The following SDK2 variants were observed in gnomAD, a reference collection of about 807,000 sequenced individuals.
SDK2 encodes sidekick cell adhesion molecule 2.
SDK2 carries 105 observed loss-of-function variants against 253.9 expected under a neutral mutation model. That is an observed-to-expected ratio of 0.41 (90% CI 0.35 to 0.49). SDK2 has a LOEUF of 0.49. SDK2 is among the 20% of genes least tolerant of loss of function. SDK2 has a pLI of 0.06. For synonymous variants in SDK2, 1,249 were observed against 1,234.9 expected, an observed-to-expected ratio of 1.01 and a Z score of -0.24; for missense variants, 2,608 against 3,003.0, an observed-to-expected ratio of 0.87 and a Z score of 3.07.
chr17:73,441,047 C>G (rs2063411754), intron 5 of SDK2, 124 bp from the exon 6 acceptor site: 6 of 695,446 alleles, frequency 8.6e-6, no homozygotes, highest in Non-Finnish European at 1.5e-5. Flanking sequence ...GCCATGGGGG[C>G]AGCCCCAGAG....
At chr17:73,636,174 G>A (rs1361638063) in intron 1 of SDK2, among the ~76,000 whole-genome samples, 1 of 152,112 alleles carries the variant, frequency 6.6e-6, no homozygotes, top group African/African-American at 2.4e-5. Context: ...GACCAGAGAG[G>A]CCTGGGTTCA....
rs1320102974 is a variant in SDK2, at chr17:73,629,856, TG to T, written c.64+14168del. On this transcript the variant is annotated intron_variant, in intron 1 of 44. Transcript: ENST00000392650. The surrounding 1 kb of genome is among the most constrained non-coding windows in gnomAD (Gnocchi z 5.0). Reference sequence around the variant, plus strand: ...ATCCATTGGCTCATGGGGGTTACTTTGGAGCTTCTAGAAAAGCTCCTTCTCC... The same window carrying T: ...ATCCATTGGCTCATGGGGGTTACTTTGAGCTTCTAGAAAAGCTCCTTCTCC... 6.6e-6 allele frequency among the ~76,000 whole-genome samples: 1 copy of T among 152,186 alleles called. No homozygotes were observed. Among genetic ancestry groups the T allele is most frequent in the East Asian group, 1.9e-4 (1 of 5,192 alleles).
chr17:73,638,429 C>A (rs1021482594), intron 1 of SDK2, among the ~76,000 whole-genome samples: 1 of 152,036 alleles, frequency 6.6e-6, no homozygotes, highest in African/African-American at 2.4e-5. Flanking sequence ...GAAGATGCCA[C>A]GTTATAGGGT....
intron 29 of SDK2, 25 bp downstream of exon 29, chr17:73,390,262 T>G: frequency 2.6e-6 from 4 of 1,529,860 alleles, no homozygotes; most frequent in Non-Finnish European, 3.5e-6. Context: ...CCCCCAAGCC[T>G]TCCCTGGCCC....
intron 1 of SDK2, among the ~76,000 whole-genome samples, chr17:73,550,292 G>A (rs1330608177): frequency 6.6e-6 from 1 of 152,148 alleles, no homozygotes; most frequent in Non-Finnish European, 1.5e-5. Context: ...CTGCTCTAGG[G>A]TTAACGGTTC....
chr17:73,398,161 G>A lies in SDK2; in HGVS notation c.3228C>T (p.Ile1076=), dbSNP rs773525846. The A allele has an allele frequency of 1.2e-5, 20 of 1,613,378 alleles. No homozygotes were observed. The Admixed American group carries it at 3.2e-4, about 26-fold the overall frequency. ...GCTGACTGGGGGGGCTGGTGCCCAC[G>A]ATGTTCACCTGGCGCATGCGGAAGC... The part of the protein sequence containing the change: ...CYSFRMRQVN[I]VGTSPPSQPS... The change falls in exon 24 of 45, where the codon ATC becomes ATT. Residue 1076 remains isoleucine, a synonymous_variant. Coordinates refer to ENST00000392650, the MANE Select transcript of SDK2 (RefSeq NM_001144952.2).
At position 73,639,192 on chromosome 17, in the gene SDK2, G is replaced by T. The variant is rs2046367327; in HGVS notation, c.64+4833C>A. Among the ~76,000 whole-genome samples the T allele has an allele frequency of 6.6e-6, 1 of 152,214 alleles. No homozygotes were observed. Among genetic ancestry groups the T allele is most frequent in the Admixed American group, 6.5e-5 (1 of 15,286 alleles). ...TCAGCATCGCCCAGTGATGGAGGCA[G>T]GATTCAAAGGGGCAGAAGCCACGCT... is the stretch of plus-strand genomic sequence containing the variant. On this transcript the variant is annotated intron_variant, in intron 1 of 44. Coordinates refer to ENST00000392650, the MANE Select transcript of SDK2 (RefSeq NM_001144952.2). The surrounding 1 kb of genome is among the most constrained non-coding windows in gnomAD (Gnocchi z 4.3).
At chr17:73,461,502 AGG>A (rs1212449841) in intron 3 of SDK2, among the ~76,000 whole-genome samples, 8 of 152,210 alleles carry the variant, frequency 5.3e-5, no homozygotes, top group African/African-American at 1.9e-4. Flanking sequence ...GGTATTCCCT[AGG>A]GGTGTATATG....
chr17:73,468,986 G>A (rs2063624154), intron 3 of SDK2, among the ~76,000 whole-genome samples: 1 of 149,470 alleles, frequency 6.7e-6, no homozygotes, highest in African/African-American at 2.5e-5. Flanking sequence ...CACCATGCCC[G>A]GCTAATTTTT....
intron 1 of SDK2, among the ~76,000 whole-genome samples, chr17:73,625,090 C>T (rs368822023): frequency 5.8e-4 from 88 of 152,272 alleles, no homozygotes; most frequent in African/African-American, 2.0e-3. Context: ...GCAGCAGGGC[C>T]AGGATTCCAG....
intron 1 of SDK2, among the ~76,000 whole-genome samples, chr17:73,598,699 G>A (rs1022768098): frequency 3.9e-5 from 6 of 152,138 alleles, no homozygotes; most frequent in Non-Finnish European, 5.9e-5. Flanking sequence ...TAGTCCCACC[G>A]GGAGCAGCCC....
chr17:73,590,681 C>T (rs749721991), intron 1 of SDK2, among the ~76,000 whole-genome samples: 15 of 152,162 alleles, frequency 9.9e-5, no homozygotes, highest in African/African-American at 9.7e-5. Flanking sequence ...GAGAAACATC[C>T]GAGCCCTGGG....
intron 1 of SDK2, among the ~76,000 whole-genome samples, chr17:73,580,885 C>T (rs374334746): frequency 1.2e-4 from 18 of 152,238 alleles, no homozygotes; most frequent in Admixed American, 5.2e-4. Context: ...TCAAAGGAAA[C>T]GCTCATTGGA....
rs970108490 is a variant in SDK2 at position 73,335,077 on chromosome 17, G to C, written c.*3510C>G. The C allele has an allele frequency of 3.3e-5, 5 of 152,418 alleles. No individual in the cohort carries two copies. Among genetic ancestry groups the C allele is most frequent in the Admixed American group, 2.0e-4 (3 of 15,272 alleles). The allele number at this position is 152,418 out of a possible 1,614,324, so 9.4% of individuals were successfully genotyped here. On this transcript the variant is annotated 3_prime_UTR_variant, in exon 45 of 45. Transcript: ENST00000392650. ...CTAAATCACGGCAGTGCCAGGTTTG[G>C]GGGTAGGAGTTTTGGGGGCCGGGGG...
In SDK2 at chr17:73,423,380, G is replaced by C. The variant is rs2063249901; in HGVS notation, c.1897+6C>G. 6.9e-7 allele frequency: 1 copy of C among 1,451,062 alleles called. No individual in the cohort carries two copies. The highest frequency in any genetic ancestry group is 9.2e-7 in the Non-Finnish European group (1 of 1,089,572). The allele number at this position is 1,451,062 out of a possible 1,614,324, so 89.9% of individuals were successfully genotyped here. On this transcript the variant is annotated splice_donor_region_variant and intron_variant, in intron 14 of 44. Coordinates refer to ENST00000392650, the MANE Select transcript of SDK2 (RefSeq NM_001144952.2). ...GAGGTGTTGGAGGTGACCACGGGAA[G>C]CTTACTGTTCTCCGACATCTCCAGA...
In SDK2 at chr17:73,415,968, C is replaced by G. The variant is rs778955063; in HGVS notation, c.2211G>C (p.Val737=). ...IIRYCLAGLP[V]GYQFKNITDA... ...CCGTGATGTTCTTAAACTGGTACCC[C>G]ACGGGCAGCCCGGCCAGGCAGTACC... Residue 737 remains valine, a synonymous_variant, in exon 17 of 45, where the codon GTG becomes GTC. Transcript: ENST00000392650. 1 of 1,611,214 alleles carries G rather than the reference C, an allele frequency of 6.2e-7. No individual in the cohort carries two copies. Among genetic ancestry groups the G allele is most frequent in the Non-Finnish European group, 8.5e-7 (1 of 1,178,908 alleles).
intron 1 of SDK2, among the ~76,000 whole-genome samples, chr17:73,536,303 G>A (rs1388278423): frequency 6.6e-6 from 1 of 152,238 alleles, no homozygotes; most frequent in Non-Finnish European, 1.5e-5. Flanking sequence ...GATCCAGACA[G>A]CTGCAGGCTG....
At chr17:73,476,749 C>A (rs756278476) in intron 2 of SDK2, among the ~76,000 whole-genome samples, 1 of 152,164 alleles carries the variant, frequency 6.6e-6, no homozygotes, top group Non-Finnish European at 1.5e-5. Flanking sequence ...TTCCAAGTAG[C>A]GAGGACTATG....
rs2063318671 is a variant in SDK2 at position 73,430,548 on chromosome 17, C to G, written c.1546G>C (p.Val516Leu). 5.0e-6 allele frequency: 8 copies of G among 1,605,988 alleles called. No individual in the cohort carries two copies. The highest frequency in any genetic ancestry group is 6.8e-6 in the Non-Finnish European group (8 of 1,176,110). The change falls in exon 12 of 45, where the codon GTG becomes CTG. Residue 516 changes from valine (V) to leucine (L), a missense_variant. Physicochemically the swap from Val to Leu is conservative, Grantham distance 32. Transcript: ENST00000392650. ...CGGGGGTCGTGGGTCACTCCGCACACCATGGAGGCCTGGGTGCCCTTGATG... is the reference window on the plus strand; with the variant it reads ...CGGGGGTCGTGGGTCACTCCGCACAGCATGGAGGCCTGGGTGCCCTTGATG... Reference protein sequence around the residue: ...SVIKGTQASMVCGVTHDPRVT... With the variant: ...SVIKGTQASMLCGVTHDPRVT...
Sources: allele counts gnomAD v4.1 joint callset (sites outside exome capture counted in the v4.1 genomes callset), GRCh38; gene constraint gnomAD v4.1.1; non-coding constraint Gnocchi (gnomAD v3.1); transcripts MANE v1.5; gene names NCBI Gene and HGNC (gene_info 2026-07-23, HGNC 2026-07-21).